Variants in LRRC4C observed in about 807,000 individuals in gnomAD.
LRRC4C encodes leucine-rich repeat-containing protein 4C.
Under a neutral mutation model 33.6 loss-of-function variants are expected in LRRC4C, and 5 were observed. The observed-to-expected ratio is 0.15, with a 90% confidence interval of 0.08 to 0.31. The LOEUF (loss-of-function observed/expected upper bound fraction) is 0.31. Among genes scored for constraint, LRRC4C ranks in the 10% least tolerant of loss-of-function variants. LRRC4C has a pLI of 1.00. For missense variants in LRRC4C, 560 were observed against 796.7 expected, an observed-to-expected ratio of 0.70 and a Z score of 3.58; for synonymous variants, 329 against 302.0, an observed-to-expected ratio of 1.09 and a Z score of -0.93.
At chr11:40,266,039 T>G (rs1392872158) in intron 4 of LRRC4C, among the ~76,000 whole-genome samples, 2 of 152,214 alleles carry the variant, frequency 1.3e-5, no homozygotes, top group Non-Finnish European at 2.9e-5. Context: ...GGCTCATGCC[T>G]GTAATTCCAG....
chr11:41,025,252 GAAAGCCAAGATAGATATGTTA>G (rs1388832932), intron 1 of LRRC4C, among the ~76,000 whole-genome samples: 1 of 151,630 alleles, frequency 6.6e-6, no homozygotes, highest in Non-Finnish European at 1.5e-5. Context: ...AAGGCATGTT[GAAAGCCAAGATAGATATGTTA>G]AAAGCTAGGC....
chr11:40,920,520 TA>T (rs1592095475), intron 2 of LRRC4C, among the ~76,000 whole-genome samples: 1 of 152,208 alleles, frequency 6.6e-6, no homozygotes, highest in East Asian at 1.9e-4. Flanking sequence ...ATTTCTAGAA[TA>T]AATATAAGAC....
At chr11:40,210,646 C>T (rs969466951) in intron 5 of LRRC4C, among the ~76,000 whole-genome samples, 4 of 152,200 alleles carry the variant, frequency 2.6e-5, no homozygotes, top group Non-Finnish European at 5.9e-5. Context: ...GGGACTCCAG[C>T]TTCTTTGCCC....
chr11:40,308,145 CT>C (rs796245580), intron 4 of LRRC4C, among the ~76,000 whole-genome samples: 3 of 152,214 alleles, frequency 2.0e-5, no homozygotes, highest in East Asian at 3.9e-4. Context: ...GATACTGAAC[CT>C]TTTTTCCCCC....
chr11:41,167,750 TA>T (rs929410382), intron 1 of LRRC4C, among the ~76,000 whole-genome samples: 7 of 152,022 alleles, frequency 4.6e-5, no homozygotes, highest in African/African-American at 1.4e-4. Context: ...TGACTGCCAA[TA>T]AAAAAATCAT....
At chr11:40,529,406 TGA>T (rs1956185866) in intron 3 of LRRC4C, among the ~76,000 whole-genome samples, 1 of 152,054 alleles carries the variant, frequency 6.6e-6, no homozygotes, top group Admixed American at 6.6e-5. Context: ...CAACAGTGAA[TGA>T]CAGGGTAGAG....
chr11:41,107,378 T>C (rs1437285952), intron 1 of LRRC4C, among the ~76,000 whole-genome samples: 1 of 152,064 alleles, frequency 6.6e-6, no homozygotes, highest in Non-Finnish European at 1.5e-5. Flanking sequence ...CATGTAGATA[T>C]CGATCTAAAA....
At chr11:40,786,132 G>A (rs1165694284) in intron 2 of LRRC4C, among the ~76,000 whole-genome samples, 2 of 152,154 alleles carry the variant, frequency 1.3e-5, no homozygotes, top group African/African-American at 4.8e-5. Context: ...GCTTTCAGCT[G>A]TGAGTTTTGT....
intron 3 of LRRC4C, among the ~76,000 whole-genome samples, chr11:40,392,680 T>C: frequency 6.6e-6 from 1 of 152,020 alleles, no homozygotes. Context: ...TAGCTTTAAG[T>C]ACTAGAAAAA....
intron 4 of LRRC4C, among the ~76,000 whole-genome samples, chr11:40,303,320 G>A (rs1373553970): frequency 2.6e-5 from 4 of 152,148 alleles, no homozygotes; most frequent in Non-Finnish European, 1.5e-5. Flanking sequence ...GTGTGAGTGT[G>A]TGCATGTGAG....
intron 3 of LRRC4C, among the ~76,000 whole-genome samples, chr11:40,614,176 T>C (rs1591278581): frequency 6.6e-6 from 1 of 151,924 alleles, no homozygotes; most frequent in Non-Finnish European, 1.5e-5. Flanking sequence ...AAGTCCCAGA[T>C]GGCATCTTCT....
chr11:40,114,453 T>C lies in LRRC4C; in HGVS notation c.1840A>G (p.Ile614Val). Residue 614 changes from isoleucine to valine, a missense_variant, in exon 7 of 7, where the codon ATA (isoleucine) becomes GTA (valine). This residue lies in a region of LRRC4C where 103 missense variants were observed against 132.1 expected (regional missense o/e 0.78). Transcript: ENST00000528697. The part of the protein sequence containing the change: ...PFNHTTTVNT[I>V]NSIHSSVHEP... ...TGCACTGAACTGTGTATTGAATTTA[T>C]TGTGTTAACTGTTGTTGTGTGGTTG... 1 of 1,614,172 alleles carries C rather than the reference T, an allele frequency of 6.2e-7. No homozygotes were observed. The highest frequency in any genetic ancestry group is 1.1e-5 in the South Asian group (1 of 91,084).
chr11:40,579,856 T>C (rs1231291622), intron 3 of LRRC4C, among the ~76,000 whole-genome samples: 1 of 152,202 alleles, frequency 6.6e-6, no homozygotes, highest in East Asian at 1.9e-4. Context: ...AGTGGCGCGA[T>C]CTTCGCTCAC....
chr11:40,335,356 T>C (rs1946549881), intron 3 of LRRC4C, among the ~76,000 whole-genome samples: 1 of 152,214 alleles, frequency 6.6e-6, no homozygotes, highest in Admixed American at 6.5e-5. Flanking sequence ...AGTCTATAAA[T>C]CCTACACCTA....
At chr11:40,378,808 T>A (rs563962099) in intron 3 of LRRC4C, among the ~76,000 whole-genome samples, 4 of 152,140 alleles carry the variant, frequency 2.6e-5, no homozygotes, top group Non-Finnish European at 5.9e-5. Flanking sequence ...TGTTTATAGA[T>A]CCTCTGCTAT....
At chr11:40,724,043 A>G (rs1947163508) in intron 2 of LRRC4C, among the ~76,000 whole-genome samples, 1 of 152,244 alleles carries the variant, frequency 6.6e-6, no homozygotes, top group Non-Finnish European at 1.5e-5. Context: ...TAAAGGGTTC[A>G]ATTCAACAAG....
Position 40,854,786 on chromosome 11 carries a change from T to C in LRRC4C, c.-407+78849A>G, listed in dbSNP as rs987193205. 4.0e-5 allele frequency among the ~76,000 whole-genome samples: 6 copies of C among 151,364 alleles called. No homozygotes were observed. In the East Asian group the frequency reaches 1.2e-3, roughly 29 times the overall value. On this transcript the variant is annotated intron_variant, in intron 2 of 6. Coordinates refer to ENST00000528697, the MANE Select transcript of LRRC4C (RefSeq NM_001258419.2). ...ATTTTATACACATATATAATGTACATATTAATAAAAATAATAAGATTCAGT... is the reference window on the plus strand; with the variant it reads ...ATTTTATACACATATATAATGTACACATTAATAAAAATAATAAGATTCAGT...
chr11:40,246,827 C>T (rs1196944352), intron 4 of LRRC4C, among the ~76,000 whole-genome samples: 1 of 152,132 alleles, frequency 6.6e-6, no homozygotes, highest in East Asian at 1.9e-4. Flanking sequence ...GTATATGTGT[C>T]AGATATATGT....
Position 41,448,122 on chromosome 11 carries a change from G to GGTTTTT in LRRC4C, c.-496+11308_-496+11309insAAAAAC, listed in dbSNP as rs1554934483. On this transcript the variant is annotated intron_variant, in intron 1 of 6. Transcript: ENST00000528697. ...ACAAACGAGGCTGCTGCACACGTCTGTTTTTTTTTTTTTTTTTTTTGGAGC... is the reference window on the plus strand; with the variant it reads ...ACAAACGAGGCTGCTGCACACGTCTGGTTTTTTTTTTTTTTTTTTTTTTTTTGGAGC... Among the ~76,000 whole-genome samples the GGTTTTT allele has an allele frequency of 4.2e-3, 195 of 46,902 alleles. 5 individuals carry two copies. The highest frequency in any genetic ancestry group is 0.01 in the African/African-American group (135 of 12,916). The allele number at this position is 46,902 out of a possible 152,430, so 30.8% of individuals were successfully genotyped here.
Sources: allele counts gnomAD v4.1 joint callset (sites outside exome capture counted in the v4.1 genomes callset), GRCh38; gene constraint gnomAD v4.1.1; regional missense constraint gnomAD v4.1.1; transcripts MANE v1.5; gene names NCBI Gene and HGNC (gene_info 2026-07-23, HGNC 2026-07-21).